ZC2HC1B: variants seen among roughly 807,000 people sequenced by gnomAD.
ZC2HC1B encodes the protein zinc finger C2HC-type containing 1B.
Under a neutral mutation model 31.0 loss-of-function variants are expected in ZC2HC1B, and 36 were observed. The observed-to-expected ratio is 1.16, with a 90% CI of 0.89 to 1.54. The LOEUF is 1.54. Among genes scored for constraint, ZC2HC1B ranks in the 40% most tolerant of loss-of-function variants. The pLI, the probability that ZC2HC1B is intolerant of heterozygous loss-of-function variation, is 0.00. For missense variants in ZC2HC1B, 260 were observed against 268.6 expected (o/e 0.97, Z 0.22); for synonymous variants, 73 against 88.0 (o/e 0.83, Z 0.95).
Position 143,887,674 on chromosome 6 carries a change from T to G in ZC2HC1B, c.349+853T>G, listed in dbSNP as rs1335130590. 6.6e-6 allele frequency among the ~76,000 whole-genome samples: 1 copy of G among 152,196 alleles called. No individual in the cohort carries two copies. The highest frequency in any genetic ancestry group is 1.5e-5 in the Non-Finnish European group (1 of 68,018). On this transcript the variant is annotated intron_variant, in intron 4 of 7. Coordinates refer to ENST00000237275, the MANE Select transcript of ZC2HC1B (RefSeq NM_001013623.3). This position sits in a 1 kb window ranked among gnomAD's most constrained non-coding sequence, Gnocchi z 5.1. ...TCACCTTTTAGAATGTCTCATGTTC[T>G]GTATTTCTCCACTTATTTAGTCATA...
rs765216240 is a variant in ZC2HC1B, at chr6:143,913,290, G to C, written c.598+10138G>C. On this transcript the variant is annotated intron_variant, in intron 6 of 7. Coordinates refer to ENST00000237275, the MANE Select transcript of ZC2HC1B (RefSeq NM_001013623.3). This position sits in a 1 kb window ranked among gnomAD's most constrained non-coding sequence, Gnocchi z 5.7. ...GCAAAGCTGCTGTGTTGTACTTCTA[G>C]GGAAACCCTTCCTTGTCTGGACGGT... Among the ~76,000 whole-genome samples, 1 of 152,112 alleles carries C rather than the reference G, an allele frequency of 6.6e-6. No homozygotes were observed. The highest frequency in any genetic ancestry group is 1.5e-5 in the Non-Finnish European group (1 of 68,016).
intron 1 of ZC2HC1B, among the ~76,000 whole-genome samples, chr6:143,879,350 G>A (rs1395709515): frequency 2.0e-5 from 3 of 152,092 alleles, no homozygotes; most frequent in Non-Finnish European, 4.4e-5. Context: ...CTTTACTATA[G>A]CTTTATTGGG....
chr6:143,931,079 T>G (rs895902476), intron 6 of ZC2HC1B, among the ~76,000 whole-genome samples: 3 of 152,218 alleles, frequency 2.0e-5, no homozygotes, highest in African/African-American at 7.2e-5. Context: ...CTTTTTTAAC[T>G]GTTCTTGTTT....
rs1582965028 is a variant in ZC2HC1B at position 143,903,281 on chromosome 6, T to C, written c.598+129T>C. The C allele has an allele frequency of 1.2e-6, 1 of 815,516 alleles. No individual in the cohort carries two copies. The highest frequency in any genetic ancestry group is 2.0e-6 in the Non-Finnish European group (1 of 506,460). 50.5% of individuals were successfully genotyped at this position (815,516 alleles called of 1,614,324 possible). On this transcript the variant is annotated intron_variant, in intron 6 of 7. Transcript: ENST00000237275. This position sits in a 1 kb window ranked among gnomAD's most constrained non-coding sequence, Gnocchi z 4.3. ...CTGTTGCTTTTGGATGCAAAGATAT[T>C]TGGGTTAGAGGTTAAAGCTTATTTG...
At chr6:143,902,347 C>T (rs1260224433) in intron 5 of ZC2HC1B, among the ~76,000 whole-genome samples, 1 of 152,106 alleles carries the variant, frequency 6.6e-6, no homozygotes, top group African/African-American at 2.4e-5. Flanking sequence ...CCAAAAGAGA[C>T]CAATATAGGC....
intron 4 of ZC2HC1B, among the ~76,000 whole-genome samples, chr6:143,894,058 C>CA (rs1777632983): frequency 1.3e-5 from 2 of 152,182 alleles, no homozygotes; most frequent in South Asian, 4.2e-4. Context: ...GATATTTATA[C>CA]AAAAAATGAA....
intron 6 of ZC2HC1B, among the ~76,000 whole-genome samples, chr6:143,906,595 C>T (rs1040071373): frequency 6.6e-6 from 1 of 152,048 alleles, no homozygotes; most frequent in Non-Finnish European, 1.5e-5. Flanking sequence ...AGGCACACAC[C>T]ACCACACCTG....
intron 1 of ZC2HC1B, among the ~76,000 whole-genome samples, chr6:143,864,995 T>C (rs1251286351): frequency 2.0e-5 from 3 of 152,240 alleles, no homozygotes; most frequent in South Asian, 2.1e-4. Context: ...TTCTGTGTTA[T>C]GAGGTGCTAA....
chr6:143,907,050 C>A lies in ZC2HC1B; in HGVS notation c.598+3898C>A, dbSNP rs1253957498. On this transcript the variant is annotated intron_variant, in intron 6 of 7. Coordinates refer to ENST00000237275, the MANE Select transcript of ZC2HC1B (RefSeq NM_001013623.3). ...TGTGGGATTTGGTTTTCTGTTCCTG[C>A]ATTAGTTTGTGGAAGATAATGGCCT... Among the ~76,000 whole-genome samples the A allele has an allele frequency of 2.6e-5, 4 of 152,122 alleles. 1 individual carries two copies. The South Asian group carries it at 6.2e-4, about 24-fold the overall frequency.
At chr6:143,866,480 T>C (rs775374191) in intron 1 of ZC2HC1B, among the ~76,000 whole-genome samples, 20 of 152,242 alleles carry the variant, frequency 1.3e-4, no homozygotes, top group Admixed American at 2.0e-4. Context: ...TGAATACATA[T>C]GCTTTCTCAC....
At chr6:143,875,855 G>A (rs2128493386) in intron 1 of ZC2HC1B, among the ~76,000 whole-genome samples, 1 of 150,750 alleles carries the variant, frequency 6.6e-6, no homozygotes, top group African/African-American at 2.4e-5. Context: ...AGGTGGAAAG[G>A]CTGACAGCAG....
At chr6:143,881,334 T>G (rs1428384845) in intron 1 of ZC2HC1B, among the ~76,000 whole-genome samples, 2 of 151,972 alleles carry the variant, frequency 1.3e-5, no homozygotes, top group African/African-American at 4.8e-5. Flanking sequence ...GAGGACTGCT[T>G]GAGCCCAAGA....
rs200363250 is a variant in ZC2HC1B, at chr6:143,913,510, G to GC, written c.598+10359dup. On this transcript the variant is annotated intron_variant, in intron 6 of 7. Transcript: ENST00000237275. The surrounding 1 kb of genome is among the most constrained non-coding windows in gnomAD (Gnocchi z 5.7). Reference sequence around the variant, plus strand: ...GAAGTGGGGTCTACAGAATGATGCTGCTTGGCTCCCTGGATTCTGCCCCTT... The same window carrying GC: ...GAAGTGGGGTCTACAGAATGATGCTGCCTTGGCTCCCTGGATTCTGCCCCTT... 0.01 allele frequency among the ~76,000 whole-genome samples: 1,577 copies of GC among 152,324 alleles called. 27 individuals are homozygous for GC. The highest frequency in any genetic ancestry group is 0.035 in the African/African-American group (1,452 of 41,572).
In ZC2HC1B at chr6:143,865,451, G is replaced by A. The variant is rs1387730214; in HGVS notation, c.28+884G>A. On this transcript the variant is annotated intron_variant, in intron 1 of 7. Transcript: ENST00000237275. This position sits in a 1 kb window ranked among gnomAD's most constrained non-coding sequence, Gnocchi z 4.4. ...TGCTCAGCTGTAACCTTCACTATAGGCTATTCCCTGAGCTTGTATTTAAAA... is the reference window on the plus strand; with the variant it reads ...TGCTCAGCTGTAACCTTCACTATAGACTATTCCCTGAGCTTGTATTTAAAA... Among the ~76,000 whole-genome samples the A allele has an allele frequency of 6.6e-6, 1 of 152,114 alleles. No homozygotes were observed. Among genetic ancestry groups the A allele is most frequent in the East Asian group, 1.9e-4 (1 of 5,200 alleles).
rs1777781174 is a variant in ZC2HC1B at position 143,905,333 on chromosome 6, T to C, written c.598+2181T>C. 2.0e-5 allele frequency among the ~76,000 whole-genome samples: 3 copies of C among 152,208 alleles called. No individual in the cohort carries two copies. The highest frequency in any genetic ancestry group is 2.0e-4 in the Admixed American group (3 of 15,272). ...GTTCTTTTTGATGTTATTGTAAATG[T>C]AGTTGTCTTCATAATTTTTTTTGAT... On this transcript the variant is annotated intron_variant, in intron 6 of 7. Coordinates refer to ENST00000237275, the MANE Select transcript of ZC2HC1B (RefSeq NM_001013623.3). This position sits in a 1 kb window ranked among gnomAD's most constrained non-coding sequence, Gnocchi z 4.2.
rs144430319 is a variant in ZC2HC1B at position 143,872,612 on chromosome 6, A to G, written c.28+8045A>G. Among the ~76,000 whole-genome samples, 72 of 152,322 alleles carry G rather than the reference A, an allele frequency of 4.7e-4. No individual in the cohort carries two copies. The highest frequency in any genetic ancestry group is 1.7e-3 in the African/African-American group (70 of 41,576). On this transcript the variant is annotated intron_variant, in intron 1 of 7. Transcript: ENST00000237275. The surrounding 1 kb of genome is among the most constrained non-coding windows in gnomAD (Gnocchi z 5.5). Reference sequence around the variant, plus strand: ...CATACCTGAGACTGGGAAGAAAAAGAGGTTTAATCAGACTTACAGTTCCAC... The same window carrying G: ...CATACCTGAGACTGGGAAGAAAAAGGGGTTTAATCAGACTTACAGTTCCAC...
rs138690701 is a variant in ZC2HC1B at position 143,898,605 on chromosome 6, C to T, written c.403C>T (p.Arg135Ter). 74 of 1,551,804 alleles carry T rather than the reference C, an allele frequency of 4.8e-5. No homozygotes were observed. In the Middle Eastern group the frequency reaches 5.0e-4, roughly 10 times the overall value. The part of the protein sequence containing the change: ...MRRFNESAAE[R>*]HTNFCKDQSS... ...AAGGTTTAATGAAAGCGCAGCTGAGCGACATACTAATTTCTGCAAGGATCA... is the reference window on the plus strand; with the variant it reads ...AAGGTTTAATGAAAGCGCAGCTGAGTGACATACTAATTTCTGCAAGGATCA... The change falls in exon 5 of 8, where the codon CGA becomes TGA. Residue 135 changes from arginine to a stop codon, truncating the protein, a stop_gained. Coordinates refer to ENST00000237275, the MANE Select transcript of ZC2HC1B (RefSeq NM_001013623.3). LOFTEE classifies it high-confidence loss of function.
intron 4 of ZC2HC1B, among the ~76,000 whole-genome samples, chr6:143,893,744 T>C (rs907791364): frequency 2.0e-5 from 3 of 152,158 alleles, no homozygotes; most frequent in African/African-American, 7.2e-5. Flanking sequence ...TGGAGTGCAG[T>C]GGCACCATCT....
At chr6:143,906,741 G>C (rs1267941058) in intron 6 of ZC2HC1B, among the ~76,000 whole-genome samples, 1 of 122,358 alleles carries the variant, frequency 8.2e-6, no homozygotes, top group African/African-American at 3.3e-5. Flanking sequence ...ACTGTGCCCA[G>C]CCCCTCTTTT....
Sources: allele counts gnomAD v4.1 joint callset (sites outside exome capture counted in the v4.1 genomes callset), GRCh38; gene constraint gnomAD v4.1.1; non-coding constraint Gnocchi (gnomAD v3.1); transcripts MANE v1.5; gene names NCBI Gene and HGNC (gene_info 2026-07-23, HGNC 2026-07-21).